Variants in NFIB observed in about 807,000 individuals in gnomAD.
NFIB encodes the protein nuclear factor I B.
NFIB carries 11 observed loss-of-function variants against 61.5 expected under a neutral mutation model. The observed-to-expected ratio is 0.18, with a 90% CI of 0.11 to 0.30. The LOEUF (loss-of-function observed/expected upper bound fraction) is 0.30, where lower values mean the gene tolerates loss of function less well. Among genes scored for constraint, NFIB ranks in the 10% least tolerant of loss-of-function variants. The pLI, the probability that NFIB is intolerant of heterozygous loss-of-function variation, is 1.00. For synonymous variants in NFIB, 260 were observed against 216.5 expected (o/e 1.20, Z -1.76); for missense variants, 471 against 608.9 (o/e 0.77, Z 2.38).
chr9:14,514,323 T>TACAC, the NFIB span, among the ~76,000 whole-genome samples: 41 of 147,430 alleles, frequency 2.8e-4, no homozygotes, highest in Non-Finnish European at 4.5e-4. Flanking sequence ...CATACATACA[T>TACAC]ACATACACAC....
chr9:14,469,070 C>A, the NFIB span, among the ~76,000 whole-genome samples: 3 of 152,164 alleles, frequency 2.0e-5, no homozygotes, highest in African/African-American at 7.2e-5. Flanking sequence ...AGGTAGAACA[C>A]CAGTGGTCCT....
At chr9:14,116,396 T>A (rs1381182564) in intron 8 of NFIB, 50 bp from the exon 9 acceptor site, 3 of 1,431,306 alleles carry the variant, frequency 2.1e-6, no homozygotes, top group African/African-American at 1.4e-5. Context: ...AAGGCAGTCA[T>A]CTTGTTCAAC....
In NFIB at chr9:14,120,342, G is replaced by A. The variant is rs940835252; in HGVS notation, c.1245+98C>T. ...CTGAAGATGGATTTCAAGGCTTGAC[G>A]TTCTGCCAGACACACTGTCTGACTA... is the stretch of plus-strand genomic sequence containing the variant. On this transcript the variant is annotated intron_variant, in intron 8 of 10. Transcript: ENST00000380953. The surrounding 1 kb of genome is among the most constrained non-coding windows in gnomAD (Gnocchi z 4.4). 1.2e-5 allele frequency: 16 copies of A among 1,311,102 alleles called. No homozygotes were observed. Among genetic ancestry groups the A allele is most frequent in the African/African-American group, 7.3e-5 (5 of 68,376 alleles). The allele number at this position is 1,311,102 out of a possible 1,614,324, so 81.2% of individuals were successfully genotyped here. A position where few individuals can be genotyped will look rare whatever the true frequency, so the allele number is the denominator to read the frequency against.
At chr9:14,175,504 T>A (rs1186795424) in intron 3 of NFIB, among the ~76,000 whole-genome samples, 1 of 152,168 alleles carries the variant, frequency 6.6e-6, no homozygotes, top group African/African-American at 2.4e-5. Flanking sequence ...AAGTGCAAGA[T>A]AAGCACATAG....
rs142969729 is a variant in NFIB, at chr9:14,183,449, G to A, written c.563-3669C>T. ...GACAGAGTCTTGCTCTGTCACCCAG[G>A]CTAGAGTGCAGTAGCACTATCACAG... On this transcript the variant is annotated intron_variant, in intron 2 of 10. Transcript: ENST00000380953. 3.3e-3 allele frequency among the ~76,000 whole-genome samples: 499 copies of A among 151,622 alleles called. 2 individuals are homozygous for A. The highest frequency in any genetic ancestry group is 0.011 in the African/African-American group (473 of 41,230).
At chr9:14,263,872 C>T (rs970474943) in intron 2 of NFIB, among the ~76,000 whole-genome samples, 15 of 152,218 alleles carry the variant, frequency 9.9e-5, no homozygotes, top group African/African-American at 2.7e-4. Context: ...TTATCCTCCT[C>T]GTACAAACTA....
chr9:14,466,063 C>T, the NFIB span, among the ~76,000 whole-genome samples: 1 of 152,074 alleles, frequency 6.6e-6, no homozygotes, highest in Non-Finnish European at 1.5e-5. Flanking sequence ...CTCCTGTGAG[C>T]GGCTTAGTGA....
intron 8 of NFIB, among the ~76,000 whole-genome samples, chr9:14,117,594 T>C (rs2038326837): frequency 6.6e-6 from 1 of 152,140 alleles, no homozygotes; most frequent in Non-Finnish European, 1.5e-5. Flanking sequence ...CACTTAAATA[T>C]TGTGACTTAG....
chr9:14,195,768 T>C (rs558456315), intron 2 of NFIB, among the ~76,000 whole-genome samples: 1 of 152,182 alleles, frequency 6.6e-6, no homozygotes, highest in African/African-American at 2.4e-5. Flanking sequence ...AGGAATCTTT[T>C]ATGGCATTAA....
intron 6 of NFIB, among the ~76,000 whole-genome samples, chr9:14,136,005 C>CA (rs1389655104): frequency 2.6e-5 from 4 of 152,112 alleles, no homozygotes; most frequent in African/African-American, 7.2e-5. Context: ...CTACAAGTCT[C>CA]AATTTTATCA....
At chr9:14,401,791 G>T (rs1321145956), upstream of NFIB, among the ~76,000 whole-genome samples, 1 of 152,078 alleles carries the variant, frequency 6.6e-6, no homozygotes, top group African/African-American at 2.4e-5. Flanking sequence ...CTTTGTAATA[G>T]TAAGCTTAGG....
chr9:14,116,410 T>C, intron 8 of NFIB, 64 bp from the exon 9 acceptor site: 2 of 1,417,648 alleles, frequency 1.4e-6, no homozygotes, highest in Non-Finnish European at 1.9e-6. Flanking sequence ...GTTCAACAAG[T>C]CCACTCAGCA....
intron 2 of NFIB, among the ~76,000 whole-genome samples, chr9:14,270,094 A>G (rs965575969): frequency 6.6e-6 from 1 of 152,158 alleles, no homozygotes; most frequent in South Asian, 2.1e-4. Context: ...GACCTTACAC[A>G]GCTGTCTCAA....
the NFIB span, among the ~76,000 whole-genome samples, chr9:14,492,691 T>C: frequency 2.0e-5 from 3 of 152,208 alleles, no homozygotes; most frequent in Admixed American, 1.3e-4. Flanking sequence ...TCCACCCCCA[T>C]GATACAATCA....
At chr9:14,355,826 G>A (rs1312723547) in intron 1 of NFIB, among the ~76,000 whole-genome samples, 4 of 152,034 alleles carry the variant, frequency 2.6e-5, no homozygotes, top group Admixed American at 1.3e-4. Context: ...TCGTGGTGGC[G>A]GGTGCCTGTA....
intron 1 of NFIB, among the ~76,000 whole-genome samples, chr9:14,374,303 A>G (rs2132980159): frequency 6.6e-6 from 1 of 152,318 alleles, no homozygotes; most frequent in Middle Eastern, 3.4e-3. Context: ...AAGGATATCT[A>G]TAACCCAGTC....
the NFIB span, among the ~76,000 whole-genome samples, chr9:14,516,132 A>G: frequency 6.6e-6 from 1 of 152,252 alleles, no homozygotes; most frequent in Admixed American, 6.5e-5. Context: ...AATTGCCTCG[A>G]ACCACAGTCA....
At chr9:14,493,482 G>A in the NFIB span, among the ~76,000 whole-genome samples, 6 of 152,110 alleles carry the variant, frequency 3.9e-5, no homozygotes, top group African/African-American at 1.4e-4. Flanking sequence ...GTATTCCACT[G>A]TTAAATTCTC....
At chr9:14,348,858 T>G (rs1344647134) in intron 1 of NFIB, among the ~76,000 whole-genome samples, 1 of 152,234 alleles carries the variant, frequency 6.6e-6, no homozygotes, top group African/African-American at 2.4e-5. Flanking sequence ...CACGATTCTC[T>G]AAGTTCGGAA....
Sources: allele counts gnomAD v4.1 joint callset (sites outside exome capture counted in the v4.1 genomes callset), GRCh38; gene constraint gnomAD v4.1.1; non-coding constraint Gnocchi (gnomAD v3.1); transcripts MANE v1.5; gene names NCBI Gene and HGNC (gene_info 2026-07-23, HGNC 2026-07-21).